The following USP25 variants were observed in gnomAD, a reference collection of about 807,000 sequenced individuals.
USP25 encodes the protein ubiquitin specific peptidase 25, also known as ubiquitin carboxyl-terminal hydrolase 25.
USP25 carries 85 observed loss-of-function variants against 158.5 expected under a neutral mutation model. That is an observed-to-expected ratio of 0.54 (90% CI 0.45 to 0.64). The LOEUF is 0.64. Ranked by LOEUF, USP25 falls within the 30% of genes least tolerant of loss-of-function variation. The pLI is 0.00. For synonymous variants in USP25, 464 were observed against 460.4 expected (o/e 1.01, Z -0.10); for missense variants, 1,242 against 1,327.3 (o/e 0.94, Z 1.00).
At chr21:15,858,585 G>C (rs561940397) in intron 20 of USP25, among the ~76,000 whole-genome samples, 2 of 150,918 alleles carry the variant, frequency 1.3e-5, no homozygotes, top group African/African-American at 4.9e-5. Flanking sequence ...TTATTTTCTT[G>C]ATTATTTCAG....
Position 15,731,160 on chromosome 21 carries a change from T to C in USP25, c.45+722T>C, listed in dbSNP as rs185333130. On this transcript the variant is annotated intron_variant, in intron 1 of 25. Coordinates refer to ENST00000400183, the MANE Select transcript of USP25 (RefSeq NM_001283041.3). ...TCACTAAAGAAAACAATTAAAAAAC[T>C]GTTTGTGAAACTTTATATCTTTAAA... Among the ~76,000 whole-genome samples, 446 of 151,930 alleles carry C rather than the reference T, an allele frequency of 2.9e-3. 2 individuals are homozygous for C. Among genetic ancestry groups the C allele is most frequent in the Middle Eastern group, 6.8e-3 (2 of 294 alleles).
chr21:15,819,902 T>TA (rs548842258), intron 10 of USP25, among the ~76,000 whole-genome samples: 274 of 152,168 alleles, frequency 1.8e-3, no homozygotes, highest in Middle Eastern at 3.4e-3. Flanking sequence ...CTTTTCCTGT[T>TA]AAGAGGAAGA....
chr21:15,856,345 T>G (rs1352954276), intron 20 of USP25, among the ~76,000 whole-genome samples: 1 of 152,222 alleles, frequency 6.6e-6, no homozygotes, highest in Non-Finnish European at 1.5e-5. Flanking sequence ...TTCCTAATTC[T>G]CACTCCACAG....
chr21:15,851,544 T>C (rs1429663357), intron 20 of USP25, among the ~76,000 whole-genome samples: 2 of 151,926 alleles, frequency 1.3e-5, no homozygotes, highest in African/African-American at 4.8e-5. Context: ...TCTTGTAATT[T>C]TGATTATATC....
chr21:15,787,412 C>T (rs899272602), intron 4 of USP25, among the ~76,000 whole-genome samples: 1 of 151,996 alleles, frequency 6.6e-6, no homozygotes, highest in African/African-American at 2.4e-5. Flanking sequence ...ACACATAGAC[C>T]AGTGGAACAA....
intron 23 of USP25, among the ~76,000 whole-genome samples, chr21:15,870,594 A>G (rs1377463909): frequency 6.6e-6 from 1 of 152,182 alleles, no homozygotes; most frequent in Non-Finnish European, 1.5e-5. Context: ...TTATTTAATT[A>G]TACTATTATT....
At chr21:15,737,775 C>T (rs2031660890) in intron 1 of USP25, among the ~76,000 whole-genome samples, 2 of 150,958 alleles carry the variant, frequency 1.3e-5, no homozygotes, top group South Asian at 4.2e-4. Flanking sequence ...TCATCATATA[C>T]AGATTGAATC....
At chr21:15,773,472 G>T (rs1483817699) in intron 3 of USP25, among the ~76,000 whole-genome samples, 3 of 151,572 alleles carry the variant, frequency 2.0e-5, no homozygotes, top group African/African-American at 7.3e-5. Context: ...CAGGTCTTCT[G>T]GTTTTTTTTT....
At chr21:15,819,356 A>C (rs903887562) in intron 10 of USP25, among the ~76,000 whole-genome samples, 1 of 152,148 alleles carries the variant, frequency 6.6e-6, no homozygotes, top group Admixed American at 6.5e-5. Context: ...GTCTACCTCA[A>C]CTAGTTTCTT....
chr21:15,870,829 A>G (rs1229893825), intron 23 of USP25, among the ~76,000 whole-genome samples: 3 of 152,210 alleles, frequency 2.0e-5, no homozygotes, highest in East Asian at 3.8e-4. Flanking sequence ...ATGAAATTTA[A>G]GAAGCTCCCA....
chr21:15,803,934 C>T (rs931804647), intron 6 of USP25, among the ~76,000 whole-genome samples: 2 of 151,814 alleles, frequency 1.3e-5, no homozygotes, highest in African/African-American at 4.8e-5. Context: ...CACCCCCATC[C>T]CAGACCCCTA....
chr21:15,830,906 G>T (rs2037769212), intron 15 of USP25, among the ~76,000 whole-genome samples: 1 of 152,008 alleles, frequency 6.6e-6, no homozygotes, highest in Non-Finnish European at 1.5e-5. Flanking sequence ...TTTTCAAAAG[G>T]CTATAGCATC....
At chr21:15,863,923 G>A (rs2039541146) in intron 20 of USP25, among the ~76,000 whole-genome samples, 1 of 151,924 alleles carries the variant, frequency 6.6e-6, no homozygotes, top group Non-Finnish European at 1.5e-5. Context: ...TGTAATCCCA[G>A]CTACTTGGGA....
intron 1 of USP25, among the ~76,000 whole-genome samples, chr21:15,733,622 C>T (rs925439618): frequency 6.6e-6 from 1 of 152,004 alleles, no homozygotes; most frequent in African/African-American, 2.4e-5. Context: ...AGGCGGATCA[C>T]GAGGTCAGGA....
At chr21:15,866,469 C>G in intron 22 of USP25, 125 bp downstream of exon 22, 1 of 525,726 alleles carries the variant, frequency 1.9e-6, no homozygotes, top group Non-Finnish European at 3.1e-6. Flanking sequence ...ATTAAGTTTC[C>G]AAGTCAATGC....
intron 17 of USP25, among the ~76,000 whole-genome samples, chr21:15,839,054 A>G (rs1174201172): frequency 2.0e-5 from 3 of 152,276 alleles, no homozygotes; most frequent in Middle Eastern, 3.4e-3. Flanking sequence ...ATACCCATAG[A>G]ACAGATGAGT....
chr21:15,858,681 CAT>C (rs2039275414), intron 20 of USP25, among the ~76,000 whole-genome samples: 1 of 151,842 alleles, frequency 6.6e-6, no homozygotes, highest in African/African-American at 2.4e-5. Context: ...ATTTTTATTA[CAT>C]ATTCTCAATA....
chr21:15,831,119 A>G (rs1380557963), intron 15 of USP25, among the ~76,000 whole-genome samples: 1 of 152,206 alleles, frequency 6.6e-6, no homozygotes, highest in Non-Finnish European at 1.5e-5. Context: ...CAAATAAACA[A>G]TTAGGCCAAT....
chr21:15,767,812 C>T (rs1600850744), intron 3 of USP25, among the ~76,000 whole-genome samples: 1 of 151,968 alleles, frequency 6.6e-6, no homozygotes, highest in Non-Finnish European at 1.5e-5. Context: ...GGTGACATGA[C>T]ATGGTATATT....
Sources: allele counts gnomAD v4.1 joint callset (sites outside exome capture counted in the v4.1 genomes callset), GRCh38; gene constraint gnomAD v4.1.1; transcripts MANE v1.5; gene names NCBI Gene and HGNC (gene_info 2026-07-23, HGNC 2026-07-21).